Variants in NBEAL1 observed in about 807,000 individuals in gnomAD.
NBEAL1 encodes the protein neurobeachin-like protein 1.
A neutral mutation model predicts 351.3 loss-of-function variants in NBEAL1; 273 were observed. The observed-to-expected ratio is 0.78, with a 90% confidence interval of 0.70 to 0.86. The LOEUF (loss-of-function observed/expected upper bound fraction) is 0.86, where lower values mean the gene tolerates loss of function less well. Among genes scored for constraint, NBEAL1 ranks in the 40% least tolerant of loss-of-function variants. The pLI is 0.00. For synonymous variants in NBEAL1, 1,050 were observed against 1,086.4 expected (o/e 0.97, Z 0.66); for missense variants, 2,961 against 3,201.3 (o/e 0.92, Z 1.81).
chr2:203,141,668 C>T (rs1257064983), intron 31 of NBEAL1, among the ~76,000 whole-genome samples: 1 of 151,760 alleles, frequency 6.6e-6, no homozygotes, highest in Non-Finnish European at 1.5e-5. Context: ...CAGGTGTGAG[C>T]CACCACACCT....
chr2:203,041,322 A>G (rs2061137160), intron 2 of NBEAL1, among the ~76,000 whole-genome samples: 2 of 152,232 alleles, frequency 1.3e-5, no homozygotes, highest in Non-Finnish European at 2.9e-5. Flanking sequence ...CATAAGAAGA[A>G]AGGCACATAA....
intron 53 of NBEAL1, among the ~76,000 whole-genome samples, chr2:203,209,713 A>ATGTGTGTGTGTGTGTGTGTGTG (rs56169732): frequency 1.3e-3 from 181 of 138,670 alleles, no homozygotes; most frequent in African/African-American, 4.5e-3. Flanking sequence ...TTTAATTAAT[A>ATGTGTGTGTGTGTGTGTGTGTG]TGTGTGTGTG....
intron 48 of NBEAL1, 32 bp downstream of exon 48, chr2:203,197,423 A>C (rs1388247405): frequency 7.7e-7 from 1 of 1,290,628 alleles, no homozygotes; most frequent in Non-Finnish European, 1.1e-6. Flanking sequence ...TCACACTGCT[A>C]TGCCTATATT....
rs760384985 is a variant in NBEAL1, at chr2:203,135,986, G to C, written c.4123G>C (p.Glu1375Gln). The change falls in exon 28 of 56, where the codon GAA becomes CAA. Residue 1375 changes from glutamate to glutamine, a missense_variant. Physicochemically the swap from Glu to Gln is conservative, Grantham distance 29 (BLOSUM62 2). Transcript: ENST00000683969. ...AGACTCAAACACACCATTATTTCCA[G>C]AAGATAGCTCTGTGGGAGAATTGTC... is the stretch of plus-strand genomic sequence containing the variant. Reference protein sequence around the residue: ...SLDSNTPLFPEDSSVGELSFK... With the variant: ...SLDSNTPLFPQDSSVGELSFK... 6.2e-7 allele frequency: 1 copy of C among 1,613,748 alleles called. No homozygotes were observed. The highest frequency in any genetic ancestry group is 2.2e-5 in the East Asian group (1 of 44,888).
Position 203,108,067 on chromosome 2 carries a change from G to T in NBEAL1, c.1828G>T (p.Val610Leu). 1.3e-6 allele frequency: 2 copies of T among 1,552,508 alleles called. No homozygotes were observed. Among genetic ancestry groups the T allele is most frequent in the Non-Finnish European group, 1.7e-6 (2 of 1,147,258 alleles). ...NLSHSMAGIS[V>L]PPIQKWPGSA... ...GTCACATAGTATGGCAGGAATTTCT[G>T]TGCCTCCCATACAGAAATGGCCAGG... The change falls in exon 14 of 56, where the codon GTG (valine) becomes TTG (leucine). Residue 610 changes from valine (V) to leucine (L), a missense_variant. Coordinates refer to ENST00000683969, the MANE Select transcript of NBEAL1 (RefSeq NM_001378026.1).
intron 35 of NBEAL1, among the ~76,000 whole-genome samples, chr2:203,156,656 A>G (rs2063805232): frequency 1.3e-5 from 2 of 152,246 alleles, no homozygotes; most frequent in South Asian, 4.1e-4. Flanking sequence ...ACAGATTTAC[A>G]CAGAAAAATG....
At position 203,124,319 on chromosome 2, in the gene NBEAL1, G is replaced by A. The variant is rs796196374; in HGVS notation, c.2683-1033G>A. On this transcript the variant is annotated intron_variant, in intron 19 of 55. Transcript: ENST00000683969. ...GTGCACTCCAGCTGAGTGACAGAGCGAAACCCTGTCTCAAAAACAAACAAG... is the reference window on the plus strand; with the variant it reads ...GTGCACTCCAGCTGAGTGACAGAGCAAAACCCTGTCTCAAAAACAAACAAG... Among the ~76,000 whole-genome samples, 15 of 152,224 alleles carry A rather than the reference G, an allele frequency of 9.9e-5. No homozygotes were observed. In the East Asian group the frequency reaches 2.5e-3, roughly 25 times the overall value.
At chr2:203,171,666 G>A (rs1336461043) in intron 39 of NBEAL1, among the ~76,000 whole-genome samples, 1 of 93,514 alleles carries the variant, frequency 1.1e-5, no homozygotes, top group Non-Finnish European at 2.3e-5. Context: ...TGTAATTGAA[G>A]AAAAGACAAG....
chr2:203,101,367 T>A (rs2062315662), intron 12 of NBEAL1, among the ~76,000 whole-genome samples: 1 of 152,214 alleles, frequency 6.6e-6, no homozygotes, highest in Non-Finnish European at 1.5e-5. Context: ...TGTGTCTGTT[T>A]TTGTACCAGT....
intron 49 of NBEAL1, among the ~76,000 whole-genome samples, chr2:203,201,210 T>C (rs185913220): frequency 5.2e-4 from 79 of 152,368 alleles, no homozygotes; most frequent in Non-Finnish European, 9.6e-4. Flanking sequence ...TGGCATATCC[T>C]GTCTTGTCTT....
chr2:203,125,906 G>A, intron 20 of NBEAL1, 54 bp from the exon 21 acceptor site: 1 of 1,392,448 alleles, frequency 7.2e-7, no homozygotes, highest in African/African-American at 1.5e-5. Context: ...TAGAAAATGT[G>A]ATATAAAAGT....
intron 39 of NBEAL1, among the ~76,000 whole-genome samples, chr2:203,170,826 C>T (rs1395591671): frequency 1.3e-5 from 2 of 152,200 alleles, no homozygotes; most frequent in Non-Finnish European, 2.9e-5. Context: ...AATTGGGCTA[C>T]ACCTAAGTAT....
At chr2:203,211,884 TTTTTG>T (rs1226366437) in intron 54 of NBEAL1, among the ~76,000 whole-genome samples, 1 of 151,972 alleles carries the variant, frequency 6.6e-6, no homozygotes, top group Admixed American at 6.6e-5. Flanking sequence ...TGGATACGTG[TTTTTG>T]TTTTGTTTTC....
At chr2:203,199,003 C>T (rs1490486801) in intron 48 of NBEAL1, among the ~76,000 whole-genome samples, 4 of 151,900 alleles carry the variant, frequency 2.6e-5, no homozygotes, top group Non-Finnish European at 5.9e-5. Context: ...GCTTGGGCAA[C>T]ATGGTGAAAC....
chr2:203,070,912 C>T (rs1212391218), intron 7 of NBEAL1, among the ~76,000 whole-genome samples: 2 of 152,166 alleles, frequency 1.3e-5, no homozygotes, highest in African/African-American at 4.8e-5. Flanking sequence ...AGATCCAAAC[C>T]ATATCAGCTG....
intron 33 of NBEAL1, among the ~76,000 whole-genome samples, chr2:203,148,677 AAGT>A (rs1215257072): frequency 1.3e-5 from 2 of 152,082 alleles, no homozygotes; most frequent in African/African-American, 4.8e-5. Context: ...ACTTGACAGT[AAGT>A]AGGAGGTTAA....
intron 1 of NBEAL1, chr2:203,015,863 A>T (rs890081966): frequency 6.6e-6 from 1 of 152,518 alleles, no homozygotes; most frequent in East Asian, 1.9e-4. Flanking sequence ...TCTGTACAAA[A>T]GGTATGAGTG....
intron 2 of NBEAL1, among the ~76,000 whole-genome samples, chr2:203,020,553 C>G (rs1160874724): frequency 6.6e-6 from 1 of 151,912 alleles, no homozygotes; most frequent in Non-Finnish European, 1.5e-5. Flanking sequence ...CACCTGTAAT[C>G]CCAGCTACTC....
chr2:203,119,424 C>CTTGTTTTTTT (rs2062776318), intron 18 of NBEAL1, among the ~76,000 whole-genome samples: 1 of 66,656 alleles, frequency 1.5e-5, no homozygotes, highest in Non-Finnish European at 2.6e-5. Flanking sequence ...CGGCCTGTTG[C>CTTGTTTTTTT]TTTTTTTTTT....
Sources: allele counts gnomAD v4.1 joint callset (sites outside exome capture counted in the v4.1 genomes callset), GRCh38; gene constraint gnomAD v4.1.1; transcripts MANE v1.5; gene names NCBI Gene and HGNC (gene_info 2026-07-23, HGNC 2026-07-21).